The following LDB2 variants were observed in gnomAD, a reference collection of about 807,000 sequenced individuals.
LDB2 encodes the protein LIM domain binding 2.
LDB2 carries 12 observed loss-of-function variants against 44.3 expected under a neutral mutation model. The ratio of observed to expected loss-of-function variants is 0.27; its 90% CI spans 0.17 to 0.44. The LOEUF (loss-of-function observed/expected upper bound fraction) is 0.44, where lower values mean the gene tolerates loss of function less well. Among genes scored for constraint, LDB2 ranks in the 20% least tolerant of loss-of-function variants. The probability of loss-of-function intolerance (pLI) is 1.00; values close to 1 mark genes in which losing one functional copy is unlikely to be tolerated. For synonymous variants in LDB2, 164 were observed against 174.8 expected (o/e 0.94, Z 0.49); for missense variants, 344 against 473.5 (o/e 0.73, Z 2.54).
chr4:16,759,351 G>C (rs1190988049), intron 1 of LDB2, 91 bp from the exon 2 acceptor site: 2 of 930,762 alleles, frequency 2.1e-6, no homozygotes, highest in Non-Finnish European at 3.5e-6. Context: ...AAACTCAGCT[G>C]CTCCTTGCTC....
At position 16,751,200 on chromosome 4, in the gene LDB2, T is replaced by C. The variant is rs561771675; in HGVS notation, c.235+7958A>G. ...GCATTTAAGCCTGTACGTTTGACAA[T>C]TGTAACCCCCTAAGAGAAGAGCTAA... On this transcript the variant is annotated intron_variant, in intron 2 of 7. Transcript: ENST00000304523. Among the ~76,000 whole-genome samples the C allele has an allele frequency of 3.9e-5, 6 of 152,262 alleles. 1 individual carries two copies. Among genetic ancestry groups the C allele is most frequent in the African/African-American group, 1.4e-4 (6 of 41,546 alleles).
intron 1 of LDB2, among the ~76,000 whole-genome samples, chr4:16,809,834 G>A (rs1779485951): frequency 6.6e-6 from 1 of 152,190 alleles, no homozygotes; most frequent in African/African-American, 2.4e-5. Flanking sequence ...ATGTGTCAAT[G>A]CATGTTGTCG....
At chr4:16,893,185 C>T (rs1723910365) in intron 1 of LDB2, 1 of 376,544 alleles carries the variant, frequency 2.7e-6, no homozygotes, top group Non-Finnish European at 3.6e-6. Context: ...CTTTCCTTTC[C>T]ACCACCCAGC....
chr4:16,504,999 G>A (rs1349241545), intron 7 of LDB2, among the ~76,000 whole-genome samples: 1 of 152,208 alleles, frequency 6.6e-6, no homozygotes, highest in Non-Finnish European at 1.5e-5. Context: ...GTCATTGAGA[G>A]AGGATGGGAG....
chr4:16,673,222 A>G (rs953245338), intron 2 of LDB2, among the ~76,000 whole-genome samples: 1 of 152,208 alleles, frequency 6.6e-6, no homozygotes, highest in Non-Finnish European at 1.5e-5. Flanking sequence ...AGTTGTTTAT[A>G]TTGATCTGAC....
chr4:16,570,620 G>C (rs181871753), intron 5 of LDB2, among the ~76,000 whole-genome samples: 223 of 151,634 alleles, frequency 1.5e-3, no homozygotes, highest in African/African-American at 5.0e-3. Flanking sequence ...CAAATGATGA[G>C]GTGTGAGAGA....
intron 1 of LDB2, among the ~76,000 whole-genome samples, chr4:16,828,228 A>G (rs375975041): frequency 1.3e-5 from 2 of 152,184 alleles, no homozygotes; most frequent in South Asian, 2.1e-4. Flanking sequence ...ACTTCTAATC[A>G]AACTTTCAAG....
At chr4:16,583,299 C>T (rs577331092) in intron 5 of LDB2, among the ~76,000 whole-genome samples, 1 of 152,300 alleles carries the variant, frequency 6.6e-6, no homozygotes, top group East Asian at 1.9e-4. Context: ...CTCTATCCAT[C>T]CTTTCCAAAA....
At chr4:16,787,406 A>AG (rs1774680552) in intron 1 of LDB2, among the ~76,000 whole-genome samples, 1 of 152,184 alleles carries the variant, frequency 6.6e-6, no homozygotes, top group Non-Finnish European at 1.5e-5. Flanking sequence ...CGAGGTCAGG[A>AG]GTTCGAGACC....
chr4:16,621,887 C>A (rs1288695864), intron 2 of LDB2, among the ~76,000 whole-genome samples: 1 of 152,030 alleles, frequency 6.6e-6, no homozygotes, highest in Non-Finnish European at 1.5e-5. Flanking sequence ...AAGAGGTTGT[C>A]AAAAATAATA....
chr4:16,511,896 C>A, intron 6 of LDB2, 85 bp downstream of exon 6: 1 of 1,424,480 alleles, frequency 7.0e-7, no homozygotes, highest in South Asian at 1.4e-5. Context: ...AATTAATGAT[C>A]ACTTTCTTCT....
At chr4:16,894,191 C>T (rs762898170) in intron 1 of LDB2, among the ~76,000 whole-genome samples, 25 of 152,086 alleles carry the variant, frequency 1.6e-4, no homozygotes, top group South Asian at 4.1e-4. Context: ...TATAATTGTG[C>T]GGTTGTATTC....
At chr4:16,687,405 C>G (rs1051910584) in intron 2 of LDB2, among the ~76,000 whole-genome samples, 1 of 152,200 alleles carries the variant, frequency 6.6e-6, no homozygotes, top group Non-Finnish European at 1.5e-5. Context: ...GCCTATGAAC[C>G]AGGAAGCAGG....
intron 1 of LDB2, among the ~76,000 whole-genome samples, chr4:16,887,027 C>A (rs10000826): frequency 9.7e-6 from 1 of 103,374 alleles, no homozygotes; most frequent in Non-Finnish European, 1.8e-5. Context: ...AGCGAAACTC[C>A]GTCTCAAAAA....
chr4:16,769,537 C>T (rs1770164121), intron 1 of LDB2, among the ~76,000 whole-genome samples: 1 of 151,672 alleles, frequency 6.6e-6, no homozygotes. Context: ...CTCAGGTGAT[C>T]CACCCGCCTC....
intron 2 of LDB2, among the ~76,000 whole-genome samples, chr4:16,615,588 C>G (rs1727064132): frequency 6.6e-6 from 1 of 152,058 alleles, no homozygotes; most frequent in Non-Finnish European, 1.5e-5. Flanking sequence ...GGGAACAACA[C>G]ACACCAGGGC....
intron 1 of LDB2, among the ~76,000 whole-genome samples, chr4:16,813,877 C>CTTTTCT (rs1050016141): frequency 1.4e-5 from 2 of 143,942 alleles, no homozygotes; most frequent in African/African-American, 5.1e-5. Flanking sequence ...CTTTTCTTTT[C>CTTTTCT]TTTTTTTTTT....
At chr4:16,678,696 A>G (rs13130885) in intron 2 of LDB2, among the ~76,000 whole-genome samples, 20,934 of 152,204 alleles carry the variant, frequency 0.14, 1,521 homozygotes, top group South Asian at 0.2. Context: ...GAAAGGATTC[A>G]TTCTCTTCTC....
intron 1 of LDB2, among the ~76,000 whole-genome samples, chr4:16,876,022 A>C (rs147216304): frequency 2.8e-4 from 42 of 152,326 alleles, no homozygotes; most frequent in African/African-American, 1.0e-3. Flanking sequence ...GTGCAGAGTG[A>C]TGGGCTGGGG....
Sources: gnomAD v4.1 joint callset for allele counts (sites outside exome capture counted in the v4.1 genomes callset) on GRCh38, gnomAD v4.1.1 for gene constraint, MANE v1.5 for transcripts, NCBI Gene and HGNC (gene_info 2026-07-23, HGNC 2026-07-21) for gene names.